The following PCDH15 variants were observed in gnomAD, a reference collection of about 807,000 sequenced individuals.
PCDH15 encodes the protein protocadherin-15.
In PCDH15, 129 loss-of-function variants were observed where a neutral mutation model predicts 178.5. The observed-to-expected ratio is 0.72, with a 90% CI of 0.63 to 0.84. PCDH15 has a LOEUF of 0.84. PCDH15 is among the 40% of genes least tolerant of loss of function. The pLI is 0.00. For missense variants in PCDH15, 2,230 were observed against 2,099.9 expected, an observed-to-expected ratio of 1.06 and a Z score of -1.21; for synonymous variants, 800 against 732.0, an observed-to-expected ratio of 1.09 and a Z score of -1.50.
intron 1 of PCDH15, among the ~76,000 whole-genome samples, chr10:55,201,496 CT>C (rs1840247008): frequency 6.6e-6 from 1 of 152,152 alleles, no homozygotes; most frequent in South Asian, 2.1e-4. Flanking sequence ...TTGTCATTTA[CT>C]TCTTCCCCTA....
chr10:55,163,269 T>C (rs34941226), intron 2 of PCDH15, among the ~76,000 whole-genome samples: 34,762 of 152,022 alleles, frequency 0.23, 4,161 homozygotes, highest in Middle Eastern at 0.3. Flanking sequence ...ATAAATCAGC[T>C]ATATCTGGGC....
chr10:54,356,824 G>T (rs1457214889), intron 5 of PCDH15, among the ~76,000 whole-genome samples: 1 of 152,018 alleles, frequency 6.6e-6, no homozygotes, highest in East Asian at 1.9e-4. Flanking sequence ...GATCAAGTGG[G>T]ATTCATCCCC....
At chr10:54,706,467 A>T (rs993481435) in intron 1 of PCDH15, among the ~76,000 whole-genome samples, 2 of 152,152 alleles carry the variant, frequency 1.3e-5, no homozygotes, top group Non-Finnish European at 2.9e-5. Context: ...AGATTATCCT[A>T]GTAGATAAAA....
chr10:55,269,007 C>A (rs552884184), intron 1 of PCDH15, among the ~76,000 whole-genome samples: 2 of 152,178 alleles, frequency 1.3e-5, no homozygotes, highest in Non-Finnish European at 2.9e-5. Flanking sequence ...TGTGATTCAC[C>A]ACATAAACAG....
intron 2 of PCDH15, among the ~76,000 whole-genome samples, chr10:55,509,982 G>T (rs1404676290): frequency 6.6e-6 from 1 of 151,886 alleles, no homozygotes; most frequent in Non-Finnish European, 1.5e-5. Context: ...GTGAAGGCAG[G>T]ATTAGAACTC....
intron 2 of PCDH15, among the ~76,000 whole-genome samples, chr10:55,571,303 T>C (rs1473612525): frequency 6.6e-6 from 1 of 152,072 alleles, no homozygotes; most frequent in Admixed American, 6.6e-5. Context: ...ATACAGCCTG[T>C]AGAACTGTGA....
At chr10:55,364,395 TAAA>T (rs1845302529) in intron 2 of PCDH15, among the ~76,000 whole-genome samples, 1 of 152,226 alleles carries the variant, frequency 6.6e-6, no homozygotes, top group African/African-American at 2.4e-5. Flanking sequence ...GTCAGCACTT[TAAA>T]AATGTCTTCT....
chr10:54,219,089 TAAA>T (rs746481539), intron 9 of PCDH15, among the ~76,000 whole-genome samples: 66,465 of 99,632 alleles, frequency 0.67, 21,024 homozygotes, highest in Middle Eastern at 0.77. Flanking sequence ...CTGTCTCTAC[TAAA>T]AAAAAAAAAA....
chr10:53,939,286 A>G (rs149636947), intron 24 of PCDH15, among the ~76,000 whole-genome samples: 163 of 152,246 alleles, frequency 1.1e-3, no homozygotes, highest in African/African-American at 3.8e-3. Context: ...GTCTTCTGTC[A>G]CACTAAAGGC....
At chr10:54,012,708 A>G (rs1396603798) in intron 20 of PCDH15, among the ~76,000 whole-genome samples, 1 of 152,154 alleles carries the variant, frequency 6.6e-6, no homozygotes, top group African/African-American at 2.4e-5. Flanking sequence ...CTTCATAGGC[A>G]AAAAAGAAAT....
intron 18 of PCDH15, among the ~76,000 whole-genome samples, chr10:54,050,651 G>A (rs1244249420): frequency 6.6e-6 from 1 of 151,914 alleles, no homozygotes; most frequent in Non-Finnish European, 1.5e-5. Flanking sequence ...AGATCTTCCA[G>A]GCATGATGAT....
At chr10:55,470,948 T>C (rs1839943758) in intron 2 of PCDH15, among the ~76,000 whole-genome samples, 1 of 152,168 alleles carries the variant, frequency 6.6e-6, no homozygotes, top group Admixed American at 6.6e-5. Context: ...TTTCACTTTG[T>C]AATATGTATT....
At chr10:55,007,028 A>T (rs1340620824) in intron 2 of PCDH15, among the ~76,000 whole-genome samples, 2 of 152,038 alleles carry the variant, frequency 1.3e-5, no homozygotes, top group Non-Finnish European at 2.9e-5. Flanking sequence ...ACCCACAAGC[A>T]TCTCTCTCTA....
intron 26 of PCDH15, among the ~76,000 whole-genome samples, chr10:53,890,271 C>CA (rs2081463142): frequency 6.6e-6 from 1 of 152,124 alleles, no homozygotes; most frequent in African/African-American, 2.4e-5. Context: ...ACTAAAAATA[C>CA]AAAAAATTAG....
chr10:54,637,363 G>T lies in PCDH15; in HGVS notation c.91+26809C>A, dbSNP rs79265394. Among the ~76,000 whole-genome samples, 43 of 152,030 alleles carry T rather than the reference G, an allele frequency of 2.8e-4. 1 individual carries two copies. In the East Asian group the frequency reaches 8.3e-3, roughly 29 times the overall value. ...TACCTTATAGTTCTGTGAGTCATCAGTCTCATTAGCCTAAAATCGAGGTGT... is the reference window on the plus strand; with the variant it reads ...TACCTTATAGTTCTGTGAGTCATCATTCTCATTAGCCTAAAATCGAGGTGT... On this transcript the variant is annotated intron_variant, in intron 2 of 37. Transcript: ENST00000644397.
intron 1 of PCDH15, among the ~76,000 whole-genome samples, chr10:55,311,209 G>A (rs983159206): frequency 1.3e-5 from 2 of 152,104 alleles, no homozygotes; most frequent in African/African-American, 4.8e-5. Flanking sequence ...ATAAAATTTG[G>A]TAATGCATGC....
chr10:54,583,286 A>C (rs1160860865), intron 2 of PCDH15, among the ~76,000 whole-genome samples: 1 of 152,138 alleles, frequency 6.6e-6, no homozygotes, highest in Non-Finnish European at 1.5e-5. Flanking sequence ...AATATAGACT[A>C]TTATACCAAA....
At chr10:54,808,459 G>C (rs1195883288) in intron 3 of PCDH15, among the ~76,000 whole-genome samples, 3 of 152,178 alleles carry the variant, frequency 2.0e-5, no homozygotes, top group Non-Finnish European at 4.4e-5. Context: ...TCAGCGAAGA[G>C]GTGTTGAGTA....
At chr10:55,527,548 T>C (rs551061421) in intron 2 of PCDH15, among the ~76,000 whole-genome samples, 11 of 152,188 alleles carry the variant, frequency 7.2e-5, no homozygotes, top group African/African-American at 2.6e-4. Context: ...ATTCTGAGTT[T>C]CTAGGTGTAA....
Sources: gnomAD v4.1 joint callset for allele counts (sites outside exome capture counted in the v4.1 genomes callset) on GRCh38, gnomAD v4.1.1 for gene constraint, MANE v1.5 for transcripts, NCBI Gene and HGNC (gene_info 2026-07-23, HGNC 2026-07-21) for gene names.